FGF13: variants seen among roughly 807,000 people sequenced by gnomAD.
FGF13 encodes fibroblast growth factor homologous factor 2.
A neutral mutation model predicts 19.5 loss-of-function variants in FGF13; 2 were observed. The observed-to-expected ratio is 0.10, with a 90% CI of 0.04 to 0.32. FGF13 has a LOEUF of 0.32. FGF13 is among the 10% of genes least tolerant of loss of function. The probability of loss-of-function intolerance (pLI) is 1.00; values close to 1 mark genes in which losing one functional copy is unlikely to be tolerated. For synonymous variants in FGF13, 72 were observed against 76.9 expected (o/e 0.94, Z 0.33); for missense variants, 113 against 192.7 (o/e 0.59, Z 2.45).
At chrX:139,084,883 A>C (rs1382864158) in intron 1 of FGF13, among the ~76,000 whole-genome samples, 2 of 111,942 alleles carry the variant, frequency 1.8e-5, no homozygotes, top group Non-Finnish European at 3.8e-5. Context: ...CCCAGAACCT[A>C]ATTCACAGTA....
chrX:139,184,404 G>A (rs1421892487), intron 1 of FGF13, among the ~76,000 whole-genome samples: 1 of 111,429 alleles, frequency 9.0e-6, no homozygotes, highest in African/African-American at 3.3e-5. Flanking sequence ...ACATGCAAAA[G>A]TTGGTAACCC....
chrX:138,683,441 C>T (rs915230726), intron 3 of FGF13, among the ~76,000 whole-genome samples: 1 of 108,720 alleles, frequency 9.2e-6, no homozygotes, highest in Non-Finnish European at 1.9e-5. Flanking sequence ...ACACACACAG[C>T]TCCAATGTTA....
intron 3 of FGF13, among the ~76,000 whole-genome samples, chrX:138,649,075 A>G (rs952333951): frequency 4.5e-5 from 5 of 111,660 alleles, no homozygotes; most frequent in African/African-American, 1.6e-4. Context: ...TCCACAATAT[A>G]TTTGCATTTA....
chrX:139,003,073 C>G (rs1196912306), intron 1 of FGF13, among the ~76,000 whole-genome samples: 1 of 112,319 alleles, frequency 8.9e-6, no homozygotes, highest in African/African-American at 3.2e-5. Flanking sequence ...CTTGGTCTCA[C>G]TGACTTCAAG....
chrX:139,079,395 AC>A (rs112249167), intron 1 of FGF13, among the ~76,000 whole-genome samples: 10,166 of 110,321 alleles, frequency 0.092, 395 homozygotes, highest in South Asian at 0.18. Context: ...TCAAGAAAAA[AC>A]AGAAGATAAA....
intron 1 of FGF13, among the ~76,000 whole-genome samples, chrX:138,889,304 C>G: frequency 8.9e-6 from 1 of 112,199 alleles, no homozygotes; most frequent in Middle Eastern, 4.7e-3. Flanking sequence ...TGCATAACAA[C>G]TCTATGCCAA....
At chrX:139,081,451 T>A (rs1374549064) in intron 1 of FGF13, among the ~76,000 whole-genome samples, 5 of 111,920 alleles carry the variant, frequency 4.5e-5, no homozygotes, top group Non-Finnish European at 7.5e-5. Context: ...CCATCTACAC[T>A]TCGTTATGAT....
chrX:138,908,556 A>G (rs949484402), intron 1 of FGF13, among the ~76,000 whole-genome samples: 3 of 110,609 alleles, frequency 2.7e-5, no homozygotes, highest in African/African-American at 9.9e-5. Context: ...AAGGAGAGGC[A>G]GGGATAAGGA....
chrX:138,781,076 T>C (rs751345538), intron 3 of FGF13, among the ~76,000 whole-genome samples: 62 of 110,966 alleles, frequency 5.6e-4, no homozygotes, highest in Non-Finnish European at 1.0e-3. Context: ...ACTGGGTACA[T>C]AACGAAATGA....
intron 1 of FGF13, among the ~76,000 whole-genome samples, chrX:138,736,642 A>T (rs2090276985): frequency 1.8e-5 from 2 of 111,066 alleles, no homozygotes; most frequent in South Asian, 7.6e-4. Flanking sequence ...TTGATAAAAA[A>T]AAATTAGTAA....
intron 1 of FGF13, among the ~76,000 whole-genome samples, chrX:139,060,142 T>C (rs866242610): frequency 4.5e-5 from 5 of 111,788 alleles, no homozygotes; most frequent in Non-Finnish European, 3.8e-5. Flanking sequence ...TTGGATCATA[T>C]GTTAATCTGT....
chrX:138,979,016 G>C (rs772266326), intron 1 of FGF13, among the ~76,000 whole-genome samples: 2 of 112,317 alleles, frequency 1.8e-5, no homozygotes, highest in Non-Finnish European at 3.8e-5. Context: ...CAAATTACAG[G>C]TTTTTGAATG....
intron 3 of FGF13, among the ~76,000 whole-genome samples, chrX:138,755,900 G>T (rs1454005963): frequency 8.9e-6 from 1 of 111,999 alleles, no homozygotes; most frequent in Non-Finnish European, 1.9e-5. Flanking sequence ...TGGAGATAAG[G>T]TCTTTATAGA....
chrX:138,946,276 C>G (rs1291451712), intron 1 of FGF13, among the ~76,000 whole-genome samples: 1 of 111,812 alleles, frequency 8.9e-6, no homozygotes, highest in Non-Finnish European at 1.9e-5. Context: ...GAAAGCACTG[C>G]GCATTGAATT....
chrX:138,787,194 A>G, intron 3 of FGF13, among the ~76,000 whole-genome samples: 1 of 112,775 alleles, frequency 8.9e-6, no homozygotes, highest in Middle Eastern at 4.6e-3. Flanking sequence ...CGATTAATTG[A>G]TATTTGAATT....
At chrX:138,845,600 A>C (rs1193054634) in intron 3 of FGF13, among the ~76,000 whole-genome samples, 6 of 111,483 alleles carry the variant, frequency 5.4e-5, no homozygotes, top group African/African-American at 2.0e-4. Context: ...GAGAGAGACC[A>C]CTTTTAAGCA....
chrX:138,838,621 C>T (rs377482726), intron 3 of FGF13, among the ~76,000 whole-genome samples: 8 of 111,980 alleles, frequency 7.1e-5, no homozygotes, highest in South Asian at 3.8e-4. Flanking sequence ...AGTCCCAATG[C>T]GAGTACCTGA....
chrX:139,045,697 C>T (rs1385270102), intron 1 of FGF13, among the ~76,000 whole-genome samples: 1 of 112,307 alleles, frequency 8.9e-6, no homozygotes, highest in Admixed American at 9.4e-5. Context: ...CCACAGATTC[C>T]CTAAGGCATG....
chrX:138,912,858 A>G (rs1260767552), intron 1 of FGF13, among the ~76,000 whole-genome samples: 2 of 111,710 alleles, frequency 1.8e-5, no homozygotes, highest in African/African-American at 6.5e-5. Context: ...GTCTGCATCC[A>G]GGGAAAATGA....
Sources: allele counts gnomAD v4.1 joint callset (sites outside exome capture counted in the v4.1 genomes callset), GRCh38; gene constraint gnomAD v4.1.1; transcripts MANE v1.5; gene names NCBI Gene and HGNC (gene_info 2026-07-23, HGNC 2026-07-21).